Variants in LRP2 observed in about 807,000 individuals in gnomAD.
LRP2 encodes the protein LDL receptor related protein 2.
A neutral mutation model predicts 531.0 loss-of-function variants in LRP2; 172 were observed. The observed-to-expected ratio is 0.32, with a 90% CI of 0.29 to 0.37. LRP2 has a LOEUF of 0.37. LRP2 is among the 10% of genes least tolerant of loss of function. The probability of loss-of-function intolerance (pLI) is 1.00; values close to 1 mark genes in which losing one functional copy is unlikely to be tolerated. For missense variants in LRP2, 5,167 were observed against 5,868.3 expected (o/e 0.88, Z 3.90); for synonymous variants, 1,992 against 2,027.6 (o/e 0.98, Z 0.47).
intron 1 of LRP2, among the ~76,000 whole-genome samples, chr2:169,351,947 T>A (rs1456958914): frequency 1.3e-5 from 2 of 151,816 alleles, no homozygotes; most frequent in African/African-American, 4.8e-5. Flanking sequence ...GGTGAGGGAT[T>A]TGAGGGATGG....
At chr2:169,142,320 C>G (rs563193468) in intron 71 of LRP2, among the ~76,000 whole-genome samples, 4 of 152,296 alleles carry the variant, frequency 2.6e-5, no homozygotes, top group African/African-American at 9.6e-5. Context: ...CCCTGAGGAG[C>G]TACAATTAAG....
In LRP2 at chr2:169,231,709, T is replaced by C; in HGVS notation, c.5227+5A>G. On this transcript the variant is annotated splice_donor_5th_base_variant and intron_variant, in intron 31 of 78. Coordinates refer to ENST00000649046, the MANE Select transcript of LRP2 (RefSeq NM_004525.3). The stretch of plus-strand genomic sequence containing the variant: ...TTCAGAGCTCACATAAGGAGCATAC[T>C]ATACCTCTCAAGCAATTCAGGAGAT... 6.2e-7 allele frequency: 1 copy of C among 1,613,892 alleles called. No homozygotes were observed. Among genetic ancestry groups the C allele is most frequent in the Admixed American group, 1.7e-5 (1 of 60,018 alleles).
At chr2:169,176,746 A>T (rs1028982379) in intron 53 of LRP2, among the ~76,000 whole-genome samples, 158 bp from the exon 54 acceptor site, 3 of 152,216 alleles carry the variant, frequency 2.0e-5, no homozygotes, top group Non-Finnish European at 2.9e-5. Context: ...AATAAAACAG[A>T]TGATAGAGTT....
chr2:169,223,731 A>G (rs892550906), intron 33 of LRP2, among the ~76,000 whole-genome samples: 2 of 151,988 alleles, frequency 1.3e-5, no homozygotes, highest in Admixed American at 6.6e-5. Flanking sequence ...AAATAAAAAT[A>G]AAAAAAAGAG....
Position 169,206,905 on chromosome 2 carries a change from C to T in LRP2, c.6815G>A (p.Arg2272His), listed in dbSNP as rs1244543854. The change falls in exon 39 of 79, where the codon CGT becomes CAT. Residue 2272 changes from arginine (R) to histidine (H), a missense_variant. This residue lies in a region of LRP2 where 2,811 missense variants were observed against 3,058.0 expected (regional missense o/e 0.92). Transcript: ENST00000649046. ...AGGAGTTGGGTAACGACTGCCATAA[C>T]GAATCACTTCAGAGTTCTCTCCATT... ...RINGENSEVIRYGSRYPTPYG... is the reference protein window; with the variant it reads ...RINGENSEVIHYGSRYPTPYG... The T allele has an allele frequency of 1.7e-5, 27 of 1,614,022 alleles. No homozygotes were observed. Among genetic ancestry groups the T allele is most frequent in the African/African-American group, 5.3e-5 (4 of 74,902 alleles).
Position 169,174,061 on chromosome 2 carries a change from A to G in LRP2, c.10872T>C (p.Asp3624=). The G allele has an allele frequency of 6.2e-7, 1 of 1,614,180 alleles. No homozygotes were observed. Among genetic ancestry groups the G allele is most frequent in the Non-Finnish European group, 8.5e-7 (1 of 1,180,044 alleles). Residue 3624 remains aspartate (D), a synonymous_variant, in exon 56 of 79, where the codon GAT becomes GAC. Transcript: ENST00000649046. ...TGCTGGCACAGTGGGAACTGTCTTC[A>G]TCTGAGTTATCCTCACAGTCGTTAA... is the stretch of plus-strand genomic sequence containing the variant. ...DTFNDCEDNS[D]EDSSHCASRT...
intron 4 of LRP2, among the ~76,000 whole-genome samples, chr2:169,295,212 G>A (rs1463329591): frequency 6.6e-6 from 1 of 152,188 alleles, no homozygotes; most frequent in African/African-American, 2.4e-5. Context: ...AGCCCTGGCG[G>A]CCCAGAGGTA....
rs1466154411 is a variant in LRP2, at chr2:169,248,808, C to T, written c.2771-1293G>A. ...GTGCGCGAGCCGAAGCAGAGCGAGG[C>T]ATTGCCTCACCTGGGAAGCGCAAGG... On this transcript the variant is annotated intron_variant, in intron 19 of 78. Coordinates refer to ENST00000649046, the MANE Select transcript of LRP2 (RefSeq NM_004525.3). Among the ~76,000 whole-genome samples the T allele has an allele frequency of 2.3e-5, 3 of 129,198 alleles. 1 individual carries two copies. The highest frequency in any genetic ancestry group is 6.4e-5 in the African/African-American group (2 of 31,470). 84.8% of individuals were successfully genotyped at this position (129,198 alleles called of 152,430 possible). A position where few individuals can be genotyped will look rare whatever the true frequency, so the allele number is the denominator to read the frequency against.
At chr2:169,189,149 G>T (rs1687744246) in intron 48 of LRP2, among the ~76,000 whole-genome samples, 1 of 152,092 alleles carries the variant, frequency 6.6e-6, no homozygotes, top group South Asian at 2.1e-4. Flanking sequence ...ATGCATCAAG[G>T]AATCTTTGAT....
chr2:169,318,966 T>C (rs1684840563), intron 2 of LRP2, 82 bp from the exon 3 acceptor site: 2 of 1,557,776 alleles, frequency 1.3e-6, no homozygotes, highest in Admixed American at 1.7e-5. Flanking sequence ...CAGAAGAGTG[T>C]ATCATGTAAA....
Position 169,349,679 on chromosome 2 carries a change from A to G in LRP2, c.79+12642T>C, listed in dbSNP as rs145682051. 5.3e-5 allele frequency among the ~76,000 whole-genome samples: 8 copies of G among 152,218 alleles called. No individual in the cohort carries two copies. The East Asian group carries it at 1.6e-3, about 30-fold the overall frequency. On this transcript the variant is annotated intron_variant, in intron 1 of 78. Transcript: ENST00000649046. ...CTGCCCAAGGTCGTGTCCTTCCAGG[A>G]CAGGCCACATCCAGTGATTAAGCAA...
At chr2:169,269,169 C>T (rs932439263) in intron 16 of LRP2, among the ~76,000 whole-genome samples, 1 of 152,148 alleles carries the variant, frequency 6.6e-6, no homozygotes, top group African/African-American at 2.4e-5. Context: ...GTGAAAATGG[C>T]CATACTGCCC....
At chr2:169,230,358 A>G (rs1392109442) in intron 31 of LRP2, among the ~76,000 whole-genome samples, 2 of 152,254 alleles carry the variant, frequency 1.3e-5, no homozygotes, top group African/African-American at 4.8e-5. Context: ...AGAATTACCA[A>G]TAATTAAAAT....
chr2:169,214,534 T>C (rs550541702), intron 35 of LRP2, among the ~76,000 whole-genome samples: 9 of 152,062 alleles, frequency 5.9e-5, no homozygotes, highest in African/African-American at 2.2e-4. Flanking sequence ...GGGCTGGGTA[T>C]TGGCGAGAGA....
intron 33 of LRP2, among the ~76,000 whole-genome samples, chr2:169,223,012 T>A (rs1689073583): frequency 6.6e-6 from 1 of 152,160 alleles, no homozygotes; most frequent in Non-Finnish European, 1.5e-5. Context: ...TGTTTATGTA[T>A]CCATCTCACA....
chr2:169,327,375 C>T (rs555947403), intron 1 of LRP2, among the ~76,000 whole-genome samples: 121 of 125,968 alleles, frequency 9.6e-4, no homozygotes, highest in African/African-American at 2.7e-3. Context: ...TCTGCCCAGC[C>T]GCCCCTACTG....
intron 8 of LRP2, among the ~76,000 whole-genome samples, chr2:169,289,639 GA>G (rs906298698): frequency 7.3e-5 from 11 of 151,116 alleles, no homozygotes; most frequent in East Asian, 3.9e-4. Context: ...TCTTATTTAT[GA>G]AAAAAAAATC....
intron 1 of LRP2, among the ~76,000 whole-genome samples, chr2:169,356,584 AT>A: frequency 6.6e-6 from 1 of 152,354 alleles, no homozygotes; most frequent in East Asian, 1.9e-4. Context: ...GATTTCCCAG[AT>A]AATAAATGGC....
rs1574093218 is a variant in LRP2 at position 169,170,940 on chromosome 2, T to C, written c.11264-273A>G. 1.2e-4 allele frequency among the ~76,000 whole-genome samples: 18 copies of C among 149,418 alleles called. No homozygotes were observed. The South Asian group carries it at 3.9e-3, about 32-fold the overall frequency. On this transcript the variant is annotated intron_variant, in intron 58 of 78. Transcript: ENST00000649046. The stretch of plus-strand genomic sequence containing the variant: ...CTCTCTGTTTTTTTTTTTTTTTTTT[T>C]TTTTGAAACAGGATCTTTCAACATT...
Sources: gnomAD v4.1 joint callset for allele counts (sites outside exome capture counted in the v4.1 genomes callset) on GRCh38, gnomAD v4.1.1 for gene constraint, gnomAD v4.1.1 regional missense constraint, MANE v1.5 for transcripts, NCBI Gene and HGNC (gene_info 2026-07-23, HGNC 2026-07-21) for gene names.